HSBP1: variants seen among roughly 807,000 people sequenced by gnomAD.
The protein encoded by HSBP1 is heat shock factor-binding protein 1.
In HSBP1, 5 loss-of-function variants were observed where a neutral mutation model predicts 9.6. That is an observed-to-expected ratio of 0.52 (90% CI 0.27 to 1.09). HSBP1 has a LOEUF of 1.09. Among genes scored for constraint, HSBP1 ranks in the 50% least tolerant of loss-of-function variants. The probability of loss-of-function intolerance (pLI) is 0.11; values close to 1 mark genes in which losing one functional copy is unlikely to be tolerated. For missense variants in HSBP1, 121 were observed against 96.3 expected (o/e 1.26, Z -1.07); for synonymous variants, 42 against 33.3 (o/e 1.26, Z -0.90).
intron 2 of HSBP1, 84 bp downstream of exon 2, chr16:83,808,830 C>T: frequency 1.0e-6 from 1 of 966,626 alleles, no homozygotes; most frequent in Admixed American, 2.1e-5. Flanking sequence ...GAGTAGTTTT[C>T]AGGCTAGCTT....
rs977912868 is a variant in HSBP1, at chr16:83,815,751, C to G, written c.*4333C>G. ...CCACATACATGAACTACATACCTAT[C>G]GTGTAGATGCTGCCCTGCCTCATAA... On this transcript the variant is annotated 3_prime_UTR_variant, in exon 4 of 4. Transcript: ENST00000433866. 1.3e-5 allele frequency: 2 copies of G among 152,168 alleles called. No homozygotes were observed. Among genetic ancestry groups the G allele is most frequent in the Non-Finnish European group, 2.9e-5 (2 of 68,042 alleles). 9.4% of individuals were successfully genotyped at this position (152,168 alleles called of 1,614,324 possible). A position where few individuals can be genotyped will look rare whatever the true frequency, so the allele number is the denominator to read the frequency against.
chr16:83,809,599 A>G (rs1904553390), intron 3 of HSBP1, among the ~76,000 whole-genome samples, 174 bp downstream of exon 3: 1 of 150,532 alleles, frequency 6.6e-6, no homozygotes, highest in African/African-American at 2.4e-5. Context: ...CCTCCCGAGT[A>G]GCTGGGATTA....
Position 83,808,108 on chromosome 16 carries a change from A to C in HSBP1, c.32A>C (p.Asp11Ala). The C allele has an allele frequency of 6.5e-7, 1 of 1,546,452 alleles. No individual in the cohort carries two copies. The highest frequency in any genetic ancestry group is 8.7e-7 in the Non-Finnish European group (1 of 1,144,682). MAETDPKTVQ[D>A]LTSVVQTLLQ... The stretch of plus-strand genomic sequence containing the variant: ...GAGACTGACCCCAAGACCGTGCAGG[A>C]CCTCACCTCGGTGGTAAGGGACGGC... Residue 11 changes from aspartate to alanine, a missense_variant, in exon 1 of 4, where the codon GAC (aspartate) becomes GCC (alanine). Asp to Ala is a moderately radical substitution (Grantham distance 126, BLOSUM62 -2). Transcript: ENST00000433866.
chr16:83,809,389 G>C lies in HSBP1; in HGVS notation c.197G>C (p.Ser66Thr). 1.3e-6 allele frequency: 2 copies of C among 1,596,292 alleles called. No homozygotes were observed. The highest frequency in any genetic ancestry group is 1.7e-6 in the Non-Finnish European group (2 of 1,170,202). Reference sequence around the variant, plus strand: ...CAGGCTGGGGTGGAAGAACTGGAAAGTGAAAACAAGATACCTGCCACGCAA... The same window carrying C: ...CAGGCTGGGGTGGAAGAACTGGAAACTGAAAACAAGATACCTGCCACGCAA... ...MTQAGVEELE[S>T]ENKIPATQKS Residue 66 changes from serine to threonine, a missense_variant, in exon 3 of 4, where the codon AGT becomes ACT. By Grantham distance (58) the Ser-to-Thr change is moderately conservative (BLOSUM62 1). Transcript: ENST00000433866.
rs910843581 is a variant in HSBP1, at chr16:83,811,738, G to A, written c.*320G>A. The A allele has an allele frequency of 1.3e-5, 2 of 152,026 alleles. No homozygotes were observed. Among genetic ancestry groups the A allele is most frequent in the Admixed American group, 6.6e-5 (1 of 15,256 alleles). 9.4% of individuals were successfully genotyped at this position (152,026 alleles called of 1,614,324 possible). A position where few individuals can be genotyped will look rare whatever the true frequency, so the allele number is the denominator to read the frequency against. The stretch of plus-strand genomic sequence containing the variant: ...TCTTGTCATTCCTTTTGTAGTAGTT[G>A]CTGTTTGGATAAAAGTTGATGTGTG... On this transcript the variant is annotated 3_prime_UTR_variant, in exon 4 of 4. Coordinates refer to ENST00000433866, the MANE Select transcript of HSBP1 (RefSeq NM_001537.4).
intron 3 of HSBP1, 73 bp from the exon 4 acceptor site, chr16:83,811,348 A>T (rs1904596709): frequency 6.6e-6 from 1 of 152,224 alleles, no homozygotes; most frequent in Non-Finnish European, 1.5e-5. Flanking sequence ...TTTGTAGTTG[A>T]TAGGTCTATA....
rs1904760323 is a variant in HSBP1, at chr16:83,818,031, G to A, written c.*6613G>A. The A allele has an allele frequency of 6.6e-6, 1 of 152,182 alleles. No individual in the cohort carries two copies. The highest frequency in any genetic ancestry group is 2.1e-4 in the South Asian group (1 of 4,830). 9.4% of individuals were successfully genotyped at this position (152,182 alleles called of 1,614,324 possible). ...TGGGGCCATAATTAAGAATCTTAAA[G>A]GGAAAGAATGTTTTGAAAGCCATCT... On this transcript the variant is annotated 3_prime_UTR_variant, in exon 4 of 4. Transcript: ENST00000433866.
rs1244509850 is a variant in HSBP1 at position 83,819,379 on chromosome 16, G to A, written c.*7961G>A. On this transcript the variant is annotated 3_prime_UTR_variant, in exon 4 of 4. Transcript: ENST00000433866. ...TGCTGGGAGTCTCAGGCCTGGGCTA[G>A]TCCTAAAATAATTGAAAAGGAATTG... 2.0e-5 allele frequency: 3 copies of A among 152,106 alleles called. No homozygotes were observed. The highest frequency in any genetic ancestry group is 2.0e-4 in the Admixed American group (3 of 15,256). The allele number at this position is 152,106 out of a possible 1,614,324, so 9.4% of individuals were successfully genotyped here.
At chr16:83,810,370 T>A (rs939335529) in intron 3 of HSBP1, among the ~76,000 whole-genome samples, 1 of 152,128 alleles carries the variant, frequency 6.6e-6, no homozygotes, top group African/African-American at 2.4e-5. Flanking sequence ...CCTCTGTATG[T>A]GTGAAAAATA....
chr16:83,808,783 T>G lies in HSBP1; in HGVS notation c.112+37T>G, dbSNP rs189617574. 4.0e-6 allele frequency: 6 copies of G among 1,508,424 alleles called. No individual in the cohort carries two copies. In the Admixed American group the frequency reaches 5.3e-5, roughly 13 times the overall value. The allele number at this position is 1,508,424 out of a possible 1,614,324, so 93.4% of individuals were successfully genotyped here. On this transcript the variant is annotated intron_variant, in intron 2 of 3. Transcript: ENST00000433866. ...ATCTGCAGTCGGCCTCCTGTGGGCCTTTGGAGCCTATTTGCCGGGCAGTGG... is the reference window on the plus strand; with the variant it reads ...ATCTGCAGTCGGCCTCCTGTGGGCCGTTGGAGCCTATTTGCCGGGCAGTGG...
At position 83,816,937 on chromosome 16, in the gene HSBP1, C is replaced by G. The variant is rs1232427704; in HGVS notation, c.*5519C>G. ...ACCTACAGTGTTTGCTACAGACCTT[C>G]TAGATGTAACTTCTAGATTATAAAC... On this transcript the variant is annotated 3_prime_UTR_variant, in exon 4 of 4. Transcript: ENST00000433866. 4 of 152,186 alleles carry G rather than the reference C, an allele frequency of 2.6e-5. No individual in the cohort carries two copies. The highest frequency in any genetic ancestry group is 9.7e-5 in the African/African-American group (4 of 41,446). The allele number at this position is 152,186 out of a possible 1,614,324, so 9.4% of individuals were successfully genotyped here.
chr16:83,809,475 T>C (rs1023665132), intron 3 of HSBP1, 50 bp downstream of exon 3: 2 of 1,009,194 alleles, frequency 2.0e-6, no homozygotes, highest in Non-Finnish European at 1.4e-6. Flanking sequence ...TTTTTTTTTT[T>C]TTTTTTTTTT....
At position 83,810,521 on chromosome 16, in the gene HSBP1, C is replaced by CAAAAAAA. The variant is rs751338141; in HGVS notation, c.*3-883_*3-877dup. On this transcript the variant is annotated intron_variant, in intron 3 of 3. Coordinates refer to ENST00000433866, the MANE Select transcript of HSBP1 (RefSeq NM_001537.4). ...TGGGCGACAGAGTGAGACTCTGTCT[C>CAAAAAAA]AAAAAAAAAAAAAAAAAAAAAAAGG... 7.7e-5 allele frequency among the ~76,000 whole-genome samples: 4 copies of CAAAAAAA among 51,628 alleles called. 1 individual carries two copies. The highest frequency in any genetic ancestry group is 1.3e-4 in the Non-Finnish European group (4 of 30,894). 33.9% of individuals were successfully genotyped at this position (51,628 alleles called of 152,430 possible).
chr16:83,817,021 A>G lies in HSBP1; in HGVS notation c.*5603A>G, dbSNP rs548211664. 6.6e-6 allele frequency: 1 copy of G among 152,370 alleles called. No homozygotes were observed. The highest frequency in any genetic ancestry group is 1.9e-4 in the East Asian group (1 of 5,192). The allele number at this position is 152,370 out of a possible 1,614,324, so 9.4% of individuals were successfully genotyped here. A position where few individuals can be genotyped will look rare whatever the true frequency, so the allele number is the denominator to read the frequency against. ...AGCTGACTGTCAACCTTGGTGGCAC[A>G]TTAGAATCACCTGGGGAGCAGTTCA... On this transcript the variant is annotated 3_prime_UTR_variant, in exon 4 of 4. Coordinates refer to ENST00000433866, the MANE Select transcript of HSBP1 (RefSeq NM_001537.4).
At position 83,813,621 on chromosome 16, in the gene HSBP1, G is replaced by C. The variant is rs1274649951; in HGVS notation, c.*2203G>C. On this transcript the variant is annotated 3_prime_UTR_variant, in exon 4 of 4. Transcript: ENST00000433866. ...GGCTGGAGCCACCATGCCTGTCCAAGGGTCTTTTTTATACTATATGAAGTA... is the reference window on the plus strand; with the variant it reads ...GGCTGGAGCCACCATGCCTGTCCAACGGTCTTTTTTATACTATATGAAGTA... The C allele has an allele frequency of 3.3e-5, 5 of 152,332 alleles. No homozygotes were observed. Among genetic ancestry groups the C allele is most frequent in the Admixed American group, 6.5e-5 (1 of 15,284 alleles). 9.4% of individuals were successfully genotyped at this position (152,332 alleles called of 1,614,324 possible).
In HSBP1 at chr16:83,819,308, C is replaced by A. The variant is rs1050934632; in HGVS notation, c.*7890C>A. 6.6e-6 allele frequency: 1 copy of A among 152,104 alleles called. No individual in the cohort carries two copies. The allele number at this position is 152,104 out of a possible 1,614,324, so 9.4% of individuals were successfully genotyped here. ...TTATTTTTGTGTCTTATTTCCCATA[C>A]ACAAAAACACTGCGTAGAGAAATGG... On this transcript the variant is annotated 3_prime_UTR_variant, in exon 4 of 4. Transcript: ENST00000433866.
In HSBP1 at chr16:83,814,785, A is replaced by G. The variant is rs1409215919; in HGVS notation, c.*3367A>G. On this transcript the variant is annotated 3_prime_UTR_variant, in exon 4 of 4. Coordinates refer to ENST00000433866, the MANE Select transcript of HSBP1 (RefSeq NM_001537.4). ...CCTGGATCAGTGCCTTTTTTCTCCT[A>G]AATCAGTTGAGAACAACAACAGAAA... The G allele has an allele frequency of 6.6e-6, 1 of 152,230 alleles. No homozygotes were observed. The highest frequency in any genetic ancestry group is 1.5e-5 in the Non-Finnish European group (1 of 68,038). The allele number at this position is 152,230 out of a possible 1,614,324, so 9.4% of individuals were successfully genotyped here. A position where few individuals can be genotyped will look rare whatever the true frequency, so the allele number is the denominator to read the frequency against.
chr16:83,809,263 G>T (rs966962101), intron 2 of HSBP1, 42 bp from the exon 3 acceptor site: 6 of 1,255,304 alleles, frequency 4.8e-6, no homozygotes, highest in Non-Finnish European at 6.8e-6. Flanking sequence ...GAGGAAAAAG[G>T]CTCAATGAGA....
At position 83,809,462 on chromosome 16, in the gene HSBP1, CTTTTTTTTTTTT is replaced by C. The variant is rs34576085; in HGVS notation, c.*2+49_*2+60del. The stretch of plus-strand genomic sequence containing the variant: ...GGCAATTTTTTTTTTCTTTTCTTTT[CTTTTTTTTTTTT>C]TTTTTTTTTTTGACACGGAGTTTTG... On this transcript the variant is annotated intron_variant, in intron 3 of 3. Coordinates refer to ENST00000433866, the MANE Select transcript of HSBP1 (RefSeq NM_001537.4). The C allele has an allele frequency of 3.0e-5, 12 of 406,034 alleles. 1 individual carries two copies. The highest frequency in any genetic ancestry group is 1.4e-4 in the East Asian group (3 of 21,042). The allele number at this position is 406,034 out of a possible 1,614,324, so 25.2% of individuals were successfully genotyped here. A position where few individuals can be genotyped will look rare whatever the true frequency, so the allele number is the denominator to read the frequency against.
Sources: allele counts gnomAD v4.1 joint callset (sites outside exome capture counted in the v4.1 genomes callset), GRCh38; gene constraint gnomAD v4.1.1; transcripts MANE v1.5; gene names NCBI Gene and HGNC (gene_info 2026-07-23, HGNC 2026-07-21).